Variants in NTM observed in about 807,000 individuals in gnomAD.
The protein encoded by NTM is neurotrimin, also known as IgLON family member 2.
In NTM, 13 loss-of-function variants were observed where a neutral mutation model predicts 42.1. The observed-to-expected ratio is 0.31, with a 90% CI of 0.20 to 0.49. The LOEUF (loss-of-function observed/expected upper bound fraction) is 0.49. Ranked by LOEUF, NTM falls within the 20% of genes least tolerant of loss-of-function variation. The probability of loss-of-function intolerance (pLI) is 0.99; values close to 1 mark genes in which losing one functional copy is unlikely to be tolerated. For synonymous variants in NTM, 187 were observed against 179.2 expected, an observed-to-expected ratio of 1.04 and a Z score of -0.35; for missense variants, 373 against 452.8, an observed-to-expected ratio of 0.82 and a Z score of 1.60.
At chr11:131,897,619 C>T (rs758624094) in intron 1 of NTM, among the ~76,000 whole-genome samples, 9 of 152,080 alleles carry the variant, frequency 5.9e-5, no homozygotes, top group Non-Finnish European at 1.0e-4. Flanking sequence ...GCAGAAAACT[C>T]GAGTAGAGCA....
chr11:131,493,069 A>G (rs991690552), intron 1 of NTM, among the ~76,000 whole-genome samples: 1 of 151,984 alleles, frequency 6.6e-6, no homozygotes, highest in African/African-American at 2.4e-5. Flanking sequence ...AAAAGAAAAA[A>G]ATACAAAAAT....
At chr11:131,887,112 A>G (rs183655843) in intron 1 of NTM, among the ~76,000 whole-genome samples, 6 of 152,326 alleles carry the variant, frequency 3.9e-5, no homozygotes, top group Admixed American at 2.6e-4. Flanking sequence ...TACACTTGAA[A>G]TGTTCTAACA....
chr11:132,330,477 A>C (rs2095782086), intron 8 of NTM, among the ~76,000 whole-genome samples: 1 of 152,204 alleles, frequency 6.6e-6, no homozygotes, highest in Non-Finnish European at 1.5e-5. Flanking sequence ...ACTCTGCACC[A>C]GGCCTGCCTC....
At chr11:131,691,152 C>G (rs969715437) in intron 1 of NTM, among the ~76,000 whole-genome samples, 1 of 152,160 alleles carries the variant, frequency 6.6e-6, no homozygotes, top group Admixed American at 6.5e-5. Flanking sequence ...CCCCGGAGGG[C>G]GCACCAGGGG....
intron 1 of NTM, chr11:131,909,948 C>T (rs1369960722): frequency 1.3e-5 from 2 of 152,128 alleles, no homozygotes; most frequent in Admixed American, 1.3e-4. Context: ...TTTTGCAGGC[C>T]CAGCATCTTT....
intron 1 of NTM, among the ~76,000 whole-genome samples, chr11:131,772,958 C>T (rs77572966): frequency 0.037 from 5,562 of 152,252 alleles, 318 homozygotes; most frequent in African/African-American, 0.12. Flanking sequence ...AGAGAAGAGA[C>T]ATTTATGGCT....
chr11:131,873,591 TATATATAC>T lies in NTM; in HGVS notation c.83-37965_83-37958del, dbSNP rs2048068022. ...TATATATACATATATATATACCGTA[TATATATAC>T]ATATATATATACCGTATATATATAC... On this transcript the variant is annotated intron_variant, in intron 1 of 8. Coordinates refer to ENST00000683400, the MANE Select transcript of NTM (RefSeq NM_001352005.2). 1.0e-4 allele frequency among the ~76,000 whole-genome samples: 7 copies of T among 66,724 alleles called. No individual in the cohort carries two copies. The East Asian group carries it at 6.5e-3, about 62-fold the overall frequency. 43.8% of individuals were successfully genotyped at this position (66,724 alleles called of 152,430 possible). A position where few individuals can be genotyped will look rare whatever the true frequency, so the allele number is the denominator to read the frequency against.
intron 2 of NTM, among the ~76,000 whole-genome samples, chr11:132,064,175 C>T (rs899047410): frequency 6.6e-6 from 1 of 152,112 alleles, no homozygotes. Flanking sequence ...TTGTGGGTTG[C>T]ACACTCTCTT....
At chr11:131,533,601 T>G (rs951521310) in intron 1 of NTM, among the ~76,000 whole-genome samples, 12 of 152,180 alleles carry the variant, frequency 7.9e-5, no homozygotes, top group Admixed American at 7.9e-4. Context: ...CACCTGCCCG[T>G]GTCATTGAGG....
intron 1 of NTM, among the ~76,000 whole-genome samples, chr11:131,700,373 C>T (rs1265550645): frequency 6.6e-6 from 1 of 152,192 alleles, no homozygotes; most frequent in Non-Finnish European, 1.5e-5. Context: ...CCTCATTCCA[C>T]ACTTTGTCTC....
intron 2 of NTM, among the ~76,000 whole-genome samples, chr11:131,996,296 C>A (rs2068006489): frequency 6.6e-6 from 1 of 152,106 alleles, no homozygotes; most frequent in Non-Finnish European, 1.5e-5. Context: ...CCCTGACCCC[C>A]TCCCCTGCAC....
chr11:131,661,267 G>A (rs79186168), intron 1 of NTM: 4,048 of 299,560 alleles, frequency 0.014, 162 homozygotes, highest in African/African-American at 0.082. Flanking sequence ...AAGTCAGAAA[G>A]GATTTGAGGT....
At chr11:131,680,194 T>TC (rs1374799860) in intron 1 of NTM, among the ~76,000 whole-genome samples, 1 of 152,134 alleles carries the variant, frequency 6.6e-6, no homozygotes, top group East Asian at 1.9e-4. Context: ...TTGCCCTCCC[T>TC]CACCAAGGGC....
chr11:132,152,094 G>A (rs183813291), intron 3 of NTM, among the ~76,000 whole-genome samples: 2 of 152,312 alleles, frequency 1.3e-5, no homozygotes, highest in Admixed American at 1.3e-4. Context: ...ACACCCTAGA[G>A]ACCCCTCCCC....
chr11:131,945,143 C>A (rs138771959), intron 2 of NTM, among the ~76,000 whole-genome samples: 1 of 152,126 alleles, frequency 6.6e-6, no homozygotes, highest in East Asian at 1.9e-4. Flanking sequence ...CCTTATAGGG[C>A]GATTCACAAA....
chr11:131,702,495 T>C (rs900920984), intron 1 of NTM, among the ~76,000 whole-genome samples: 2 of 152,094 alleles, frequency 1.3e-5, no homozygotes, highest in Admixed American at 1.3e-4. Context: ...GGTGGTGGTA[T>C]TGGGTTTAGA....
chr11:131,410,072 G>T lies in NTM; in HGVS notation c.82+39184G>T, dbSNP rs887632410. ...GCTGACCGGCTTTCCCTGGAGCAGG[G>T]AGCAACAGATGGCAGCTGCAAGGCA... On this transcript the variant is annotated intron_variant, in intron 1 of 8. Transcript: ENST00000683400. Among the ~76,000 whole-genome samples the T allele has an allele frequency of 9.2e-5, 14 of 152,098 alleles. No homozygotes were observed. The East Asian group carries it at 9.7e-4, about 11-fold the overall frequency.
At chr11:132,117,498 G>A (rs1164347104) in intron 2 of NTM, among the ~76,000 whole-genome samples, 1 of 152,148 alleles carries the variant, frequency 6.6e-6, no homozygotes, top group East Asian at 1.9e-4. Flanking sequence ...TTGACAAAGG[G>A]CTTTGAAATA....
At position 131,733,487 on chromosome 11, in the gene NTM, C is replaced by T. The variant is rs936875029; in HGVS notation, c.83-178077C>T. ...CTTTCCTTCCTTCCTTCCTTCCTTCCTTCCTTCCTTCCTTCCTTCCTTCCT... is the reference window on the plus strand; with the variant it reads ...CTTTCCTTCCTTCCTTCCTTCCTTCTTTCCTTCCTTCCTTCCTTCCTTCCT... On this transcript the variant is annotated intron_variant, in intron 1 of 8. Coordinates refer to ENST00000683400, the MANE Select transcript of NTM (RefSeq NM_001352005.2). 2.9e-4 allele frequency among the ~76,000 whole-genome samples: 42 copies of T among 146,594 alleles called. 1 individual carries two copies. The highest frequency in any genetic ancestry group is 9.9e-4 in the African/African-American group (39 of 39,508).
Sources: gnomAD v4.1 joint callset for allele counts (sites outside exome capture counted in the v4.1 genomes callset) on GRCh38, gnomAD v4.1.1 for gene constraint, MANE v1.5 for transcripts, NCBI Gene and HGNC (gene_info 2026-07-23, HGNC 2026-07-21) for gene names.